Variants in KCNT2 observed in about 807,000 individuals in gnomAD.
The protein encoded by KCNT2 is potassium sodium-activated channel subfamily T member 2, also known as potassium channel subfamily T member 2.
A neutral mutation model predicts 153.8 loss-of-function variants in KCNT2; 67 were observed. The ratio of observed to expected loss-of-function variants is 0.44; its 90% CI spans 0.36 to 0.53. KCNT2 has a LOEUF of 0.53. Among genes scored for constraint, KCNT2 ranks in the 20% least tolerant of loss-of-function variants. KCNT2 has a pLI of 0.00. For synonymous variants in KCNT2, 500 were observed against 458.8 expected (o/e 1.09, Z -1.15); for missense variants, 975 against 1,354.8 (o/e 0.72, Z 4.40).
chr1:196,490,060 A>G, intron 2 of KCNT2, 123 bp from the exon 3 acceptor site: 1 of 484,404 alleles, frequency 2.1e-6, no homozygotes, highest in South Asian at 3.9e-5. Context: ...CTGCACTACT[A>G]TAATTGTCTA....
chr1:196,443,590 T>C (rs1420456900), intron 8 of KCNT2, among the ~76,000 whole-genome samples: 1 of 151,564 alleles, frequency 6.6e-6, no homozygotes, highest in Non-Finnish European at 1.5e-5. Flanking sequence ...AAAGGCAGGT[T>C]CAATAACCAG....
chr1:196,318,305 A>G (rs1444009524), intron 20 of KCNT2, among the ~76,000 whole-genome samples: 1 of 151,804 alleles, frequency 6.6e-6, no homozygotes, highest in Non-Finnish European at 1.5e-5. Context: ...GATTTCAAAT[A>G]CAAGCAAAAG....
intron 8 of KCNT2, among the ~76,000 whole-genome samples, chr1:196,448,581 C>T (rs1253960461): frequency 6.6e-6 from 1 of 151,556 alleles, no homozygotes; most frequent in Non-Finnish European, 1.5e-5. Context: ...AATGTTTATA[C>T]TTAATCCCGA....
intron 1 of KCNT2, among the ~76,000 whole-genome samples, chr1:196,536,775 C>A (rs1296573851): frequency 6.6e-6 from 1 of 152,134 alleles, no homozygotes; most frequent in African/African-American, 2.4e-5. Flanking sequence ...CTCTCACTAA[C>A]CTGAAGGGCA....
At chr1:196,568,255 T>G (rs1348465520) in intron 1 of KCNT2, among the ~76,000 whole-genome samples, 2 of 152,032 alleles carry the variant, frequency 1.3e-5, no homozygotes, top group African/African-American at 4.8e-5. Flanking sequence ...GCAACCTAGA[T>G]CCCTTGTATG....
chr1:196,401,942 A>G lies in KCNT2; in HGVS notation c.1186-3271T>C, dbSNP rs957514582. On this transcript the variant is annotated intron_variant, in intron 12 of 27. Coordinates refer to ENST00000294725, the MANE Select transcript of KCNT2 (RefSeq NM_198503.5). ...AAAGACAAAATCTTGACAGCACCCA[A>G]AGAAAGAGTCATATGGCCAAGGACT... Among the ~76,000 whole-genome samples the G allele has an allele frequency of 2.2e-4, 33 of 151,522 alleles. 1 individual carries two copies. The highest frequency in any genetic ancestry group is 4.6e-4 in the Non-Finnish European group (31 of 67,730).
At chr1:196,349,717 A>G (rs1666467452) in intron 14 of KCNT2, among the ~76,000 whole-genome samples, 1 of 150,872 alleles carries the variant, frequency 6.6e-6, no homozygotes, top group Non-Finnish European at 1.5e-5. Flanking sequence ...TTTTTTTATT[A>G]TTATTATACT....
intron 1 of KCNT2, among the ~76,000 whole-genome samples, chr1:196,499,895 G>T (rs529548246): frequency 6.6e-6 from 1 of 152,072 alleles, no homozygotes; most frequent in African/African-American, 2.4e-5. Flanking sequence ...TGTAATCCCA[G>T]CACTTTGGAA....
chr1:196,285,594 T>G (rs1659581538), intron 23 of KCNT2, 63 bp downstream of exon 23: 1 of 1,043,346 alleles, frequency 9.6e-7, no homozygotes, highest in Admixed American at 2.1e-5. Flanking sequence ...GTATTATTCA[T>G]TTAAATAAAA....
At chr1:196,493,358 T>C (rs1196099280) in intron 1 of KCNT2, among the ~76,000 whole-genome samples, 1 of 150,528 alleles carries the variant, frequency 6.6e-6, no homozygotes, top group Non-Finnish European at 1.5e-5. Context: ...TTTGGTTTTG[T>C]TTTTTTTGCA....
chr1:196,534,511 A>G (rs1026253720), intron 1 of KCNT2, among the ~76,000 whole-genome samples: 2 of 152,208 alleles, frequency 1.3e-5, no homozygotes, highest in Non-Finnish European at 2.9e-5. Flanking sequence ...AATTATTCTC[A>G]GATGAAGAAT....
At chr1:196,441,233 A>T (rs2148587504) in intron 8 of KCNT2, among the ~76,000 whole-genome samples, 1 of 151,830 alleles carries the variant, frequency 6.6e-6, no homozygotes, top group East Asian at 2.0e-4. Context: ...AACCACATTA[A>T]CTGAAAAGTA....
intron 3 of KCNT2, among the ~76,000 whole-genome samples, chr1:196,483,654 T>C (rs944652960): frequency 7.9e-5 from 12 of 152,142 alleles, no homozygotes; most frequent in African/African-American, 2.9e-4. Flanking sequence ...GGAAACCCTC[T>C]CTGAGGATTC....
At chr1:196,429,493 C>T in intron 9 of KCNT2, 84 bp downstream of exon 9, 2 of 842,640 alleles carry the variant, frequency 2.4e-6, no homozygotes, top group Non-Finnish European at 3.6e-6. Context: ...GATAAATAAG[C>T]CACTTTCCAT....
At chr1:196,483,145 T>C (rs1034758269) in intron 3 of KCNT2, among the ~76,000 whole-genome samples, 1 of 152,190 alleles carries the variant, frequency 6.6e-6, no homozygotes, top group Non-Finnish European at 1.5e-5. Context: ...TGGTAGTTTT[T>C]CGCATTTAAG....
intron 22 of KCNT2, among the ~76,000 whole-genome samples, chr1:196,297,206 T>C (rs1040490788): frequency 9.9e-5 from 15 of 152,010 alleles, no homozygotes; most frequent in African/African-American, 3.6e-4. Flanking sequence ...AATAAATAGT[T>C]AACTACTGTA....
At chr1:196,465,272 T>A in intron 8 of KCNT2, 21 bp downstream of exon 8, 1 of 1,235,626 alleles carries the variant, frequency 8.1e-7, no homozygotes, top group Non-Finnish European at 1.2e-6. Context: ...ATAACACAAA[T>A]TCTGATATGT....
In KCNT2 at chr1:196,507,605, C is replaced by T. The variant is rs150564834; in HGVS notation, c.96-15264G>A. Among the ~76,000 whole-genome samples the T allele has an allele frequency of 2.0e-4, 30 of 152,104 alleles. No homozygotes were observed. The East Asian group carries it at 5.2e-3, about 26-fold the overall frequency. On this transcript the variant is annotated intron_variant, in intron 1 of 27. Transcript: ENST00000294725. ...AGAATTACTTAGCTTAACAAAAGCTCCTGGACCAGTTTTAATGCATTACTG... is the reference window on the plus strand; with the variant it reads ...AGAATTACTTAGCTTAACAAAAGCTTCTGGACCAGTTTTAATGCATTACTG...
rs528892718 is a variant in KCNT2 at position 196,354,463 on chromosome 1, C to T, written c.1404-12235G>A. The stretch of plus-strand genomic sequence containing the variant: ...TTGCATCAATGGGAATAAAGAGCAC[C>T]TTGTCACAAGATAACTTTAATATAT... On this transcript the variant is annotated intron_variant, in intron 14 of 27. Coordinates refer to ENST00000294725, the MANE Select transcript of KCNT2 (RefSeq NM_198503.5). Among the ~76,000 whole-genome samples the T allele has an allele frequency of 4.4e-4, 66 of 151,708 alleles. 1 individual carries two copies. Among genetic ancestry groups the T allele is most frequent in the African/African-American group, 1.5e-3 (64 of 41,484 alleles).
Sources: allele counts gnomAD v4.1 joint callset (sites outside exome capture counted in the v4.1 genomes callset), GRCh38; gene constraint gnomAD v4.1.1; transcripts MANE v1.5; gene names NCBI Gene and HGNC (gene_info 2026-07-23, HGNC 2026-07-21).